Variants in GALNT17 observed in about 807,000 individuals in gnomAD.
GALNT17 encodes the protein polypeptide N-acetylgalactosaminyltransferase 17, also known as UDP-GalNAc:polypeptide N-acetylgalactosaminyltransferase-like 3.
Under a neutral mutation model 63.7 loss-of-function variants are expected in GALNT17, and 29 were observed. The ratio of observed to expected loss-of-function variants is 0.46; its 90% CI spans 0.34 to 0.62. The LOEUF (loss-of-function observed/expected upper bound fraction) is 0.62, where lower values mean the gene tolerates loss of function less well. Ranked by LOEUF, GALNT17 falls within the 20% of genes least tolerant of loss-of-function variation. The pLI, the probability that GALNT17 is intolerant of heterozygous loss-of-function variation, is 0.01. For synonymous variants in GALNT17, 305 were observed against 318.3 expected (o/e 0.96, Z 0.45); for missense variants, 603 against 799.6 (o/e 0.75, Z 2.97).
chr7:71,368,059 C>T (rs898529518), intron 2 of GALNT17, among the ~76,000 whole-genome samples: 1 of 151,654 alleles, frequency 6.6e-6, no homozygotes, highest in African/African-American at 2.4e-5. Flanking sequence ...GGCAGAATCT[C>T]TGGGGCCGTG....
chr7:71,340,463 G>T (rs1380316276), intron 2 of GALNT17, among the ~76,000 whole-genome samples: 1 of 152,082 alleles, frequency 6.6e-6, no homozygotes, highest in Admixed American at 6.6e-5. Flanking sequence ...GACAGCTGGT[G>T]GTACCCCTAA....
At chr7:71,683,728 C>T (rs774166011) in intron 9 of GALNT17, among the ~76,000 whole-genome samples, 1 of 152,144 alleles carries the variant, frequency 6.6e-6, no homozygotes, top group African/African-American at 2.4e-5. Flanking sequence ...AATGTCAAGG[C>T]TGGGCGCACT....
intron 1 of GALNT17, among the ~76,000 whole-genome samples, chr7:71,217,872 G>A (rs983711140): frequency 6.6e-6 from 1 of 151,746 alleles, no homozygotes; most frequent in Non-Finnish European, 1.5e-5. Flanking sequence ...AGCTTGCAAT[G>A]AGCCGAGATC....
intron 1 of GALNT17, among the ~76,000 whole-genome samples, chr7:71,188,640 C>G (rs1023391631): frequency 1.3e-5 from 2 of 152,198 alleles, no homozygotes; most frequent in Admixed American, 1.3e-4. Flanking sequence ...AATCCTTTGT[C>G]GGTTGTGTAG....
intron 5 of GALNT17, among the ~76,000 whole-genome samples, chr7:71,534,372 G>A (rs1264170119): frequency 6.6e-6 from 1 of 151,994 alleles, no homozygotes; most frequent in Non-Finnish European, 1.5e-5. Context: ...GGCCGAGGCG[G>A]GCAGATCACG....
intron 1 of GALNT17, among the ~76,000 whole-genome samples, chr7:71,328,370 C>G (rs1160393926): frequency 1.3e-5 from 2 of 152,238 alleles, no homozygotes; most frequent in African/African-American, 2.4e-5. Flanking sequence ...CCTGCTTTCT[C>G]TCTTTGCTGC....
chr7:71,589,947 T>C (rs1453300509), intron 6 of GALNT17, among the ~76,000 whole-genome samples: 1 of 152,210 alleles, frequency 6.6e-6, no homozygotes, highest in Non-Finnish European at 1.5e-5. Flanking sequence ...TGGATGATGC[T>C]TGTATATAAT....
intron 1 of GALNT17, among the ~76,000 whole-genome samples, chr7:71,325,447 C>G (rs1445335475): frequency 3.9e-5 from 6 of 152,120 alleles, no homozygotes; most frequent in Non-Finnish European, 1.5e-5. Context: ...GACAAGGCAC[C>G]AGATTGCATT....
intron 6 of GALNT17, among the ~76,000 whole-genome samples, chr7:71,576,347 T>G (rs1789536783): frequency 6.6e-6 from 1 of 152,150 alleles, no homozygotes; most frequent in Admixed American, 6.5e-5. Flanking sequence ...TGAGAATGAT[T>G]TATTTATTTT....
chr7:71,334,328 T>G (rs749416131), intron 1 of GALNT17, among the ~76,000 whole-genome samples: 2 of 152,150 alleles, frequency 1.3e-5, no homozygotes, highest in Non-Finnish European at 2.9e-5. Flanking sequence ...CGTGGGAGAT[T>G]TGGATCCTTC....
intron 1 of GALNT17, among the ~76,000 whole-genome samples, chr7:71,179,862 A>G (rs377204095): frequency 9.2e-5 from 14 of 151,664 alleles, no homozygotes; most frequent in African/African-American, 3.4e-4. Flanking sequence ...GCTTTTCATC[A>G]CTCTCTGGAC....
chr7:71,552,435 G>C (rs1319888209), intron 5 of GALNT17, among the ~76,000 whole-genome samples: 1 of 150,952 alleles, frequency 6.6e-6, no homozygotes, highest in Admixed American at 6.6e-5. Flanking sequence ...ACCGTGCCTG[G>C]CTGTGACTCT....
intron 5 of GALNT17, among the ~76,000 whole-genome samples, chr7:71,493,930 C>T (rs1162278858): frequency 3.3e-5 from 5 of 152,186 alleles, no homozygotes; most frequent in Admixed American, 3.3e-4. Flanking sequence ...TTTCAGGTTA[C>T]TTACTTGCAG....
chr7:71,187,154 C>T (rs888600332), intron 1 of GALNT17, among the ~76,000 whole-genome samples: 2 of 152,196 alleles, frequency 1.3e-5, no homozygotes, highest in South Asian at 2.1e-4. Context: ...AGGTGTTGCT[C>T]TGTCACCCAG....
intron 5 of GALNT17, among the ~76,000 whole-genome samples, chr7:71,479,523 C>A (rs946576056): frequency 6.6e-6 from 1 of 152,054 alleles, no homozygotes; most frequent in African/African-American, 2.4e-5. Flanking sequence ...ACAGCACAGA[C>A]CTTTTATTTT....
intron 6 of GALNT17, among the ~76,000 whole-genome samples, chr7:71,648,172 G>C (rs1790707248): frequency 6.6e-6 from 1 of 151,972 alleles, no homozygotes; most frequent in Admixed American, 6.6e-5. Flanking sequence ...TAACTACTTT[G>C]GTTTTTCTCA....
intron 3 of GALNT17, 152 bp from the exon 4 acceptor site, chr7:71,415,737 A>G (rs1793511785): frequency 1.2e-6 from 1 of 829,508 alleles, no homozygotes; most frequent in South Asian, 2.3e-5. Context: ...TGACTCCTAG[A>G]CTGATGAGAT....
intron 1 of GALNT17, among the ~76,000 whole-genome samples, chr7:71,134,521 C>T (rs990316654): frequency 1.3e-5 from 2 of 152,048 alleles, no homozygotes; most frequent in African/African-American, 4.8e-5. Flanking sequence ...AAGGACGCTG[C>T]GGTCTTCTCG....
At position 71,132,860 on chromosome 7, in the gene GALNT17, G is replaced by A. The variant is rs1260004937; in HGVS notation, c.58G>A (p.Gly20Ser). 6.2e-7 allele frequency: 1 copy of A among 1,612,958 alleles called. No individual in the cohort carries two copies. Among genetic ancestry groups the A allele is most frequent in the Non-Finnish European group, 8.5e-7 (1 of 1,179,438 alleles). The change falls in exon 1 of 11, where the codon GGC (glycine) becomes AGC (serine). Residue 20 changes from glycine to serine, a missense_variant. Around this residue, in one of 3 missense-constraint regions of GALNT17, gnomAD observed 195 missense variants for 215.0 expected, o/e 0.91. Coordinates refer to ENST00000333538, the MANE Select transcript of GALNT17 (RefSeq NM_022479.3). Reference sequence around the variant, plus strand: ...GGTGTTGAACTTGATCGCGGTAGCCGGCTTCGTGCTCTTCCTGGCCAAGTG... The same window carrying A: ...GGTGTTGAACTTGATCGCGGTAGCCAGCTTCGTGCTCTTCCTGGCCAAGTG... ...LLVLNLIAVA[G>S]FVLFLAKCRP...
Sources: gnomAD v4.1 joint callset for allele counts (sites outside exome capture counted in the v4.1 genomes callset) on GRCh38, gnomAD v4.1.1 for gene constraint, gnomAD v4.1.1 regional missense constraint, MANE v1.5 for transcripts, NCBI Gene and HGNC (gene_info 2026-07-23, HGNC 2026-07-21) for gene names.